GLI2: variants seen among roughly 807,000 people sequenced by gnomAD.
GLI2 encodes the protein GLI family zinc finger 2.
Under a neutral mutation model 78.9 loss-of-function variants are expected in GLI2, and 22 were observed. The observed-to-expected ratio is 0.28, with a 90% CI of 0.20 to 0.40. The LOEUF is 0.40. GLI2 is among the 10% of genes least tolerant of loss of function. GLI2 has a pLI of 1.00. For missense variants in GLI2, 2,097 were observed against 2,213.2 expected (o/e 0.95, Z 1.05); for synonymous variants, 974 against 963.7 (o/e 1.01, Z -0.20).
intron 3 of GLI2, among the ~76,000 whole-genome samples, chr2:120,935,318 G>A (rs1250405911): frequency 6.6e-6 from 1 of 152,212 alleles, no homozygotes; most frequent in Non-Finnish European, 1.5e-5. Flanking sequence ...CTTCTTCAGA[G>A]CAACTGGACA....
At chr2:120,876,494 G>A (rs1418799155) in intron 2 of GLI2, among the ~76,000 whole-genome samples, 3 of 152,142 alleles carry the variant, frequency 2.0e-5, no homozygotes, top group Non-Finnish European at 4.4e-5. Flanking sequence ...TCCCAGCAGC[G>A]AAGATAAATG....
chr2:120,968,890 G>A lies in GLI2; in HGVS notation c.820G>A (p.Gly274Arg). The A allele has an allele frequency of 3.1e-6, 5 of 1,612,996 alleles. No homozygotes were observed. The highest frequency in any genetic ancestry group is 2.7e-5 in the African/African-American group (2 of 75,044). The part of the protein sequence containing the change: ...RSSSAASGSY[G>R]HLSAGALSPA... ...CAGCTCGGCGGCCAGCGGTTCCTAC[G>A]GGCATCTGTCAGCGGGTGCCCTCAG... is the stretch of plus-strand genomic sequence containing the variant. Residue 274 changes from glycine (G) to arginine (R), a missense_variant, in exon 6 of 14, where the codon GGG (glycine) becomes AGG (arginine). Gly to Arg is a moderately radical substitution (Grantham distance 125, BLOSUM62 -2). Transcript: ENST00000361492.
At chr2:120,827,016 C>T (rs147577208) in intron 2 of GLI2, among the ~76,000 whole-genome samples, 2 of 152,300 alleles carry the variant, frequency 1.3e-5, no homozygotes, top group East Asian at 3.9e-4. Flanking sequence ...GTGGTGACTC[C>T]CATGGGTCCA....
chr2:120,748,838 T>C (rs923400527), intron 1 of GLI2, among the ~76,000 whole-genome samples: 3 of 149,902 alleles, frequency 2.0e-5, no homozygotes, highest in African/African-American at 7.5e-5. Context: ...ATTAAGATTA[T>C]AGTGATCTTG....
chr2:120,821,091 TCTG>T (rs1221777223), intron 2 of GLI2, among the ~76,000 whole-genome samples: 1 of 152,034 alleles, frequency 6.6e-6, no homozygotes, highest in East Asian at 1.9e-4. Context: ...CCTGGGATGA[TCTG>T]CTCCTCCCTG....
At chr2:120,987,469 C>A (rs1371473727) in intron 13 of GLI2, among the ~76,000 whole-genome samples, 6 of 152,182 alleles carry the variant, frequency 3.9e-5, no homozygotes, top group African/African-American at 1.4e-4. Context: ...CAAGATGAGG[C>A]TCAGAGAGGT....
intron 4 of GLI2, 64 bp from the exon 5 acceptor site, chr2:120,955,181 T>TTG: frequency 7.5e-6 from 4 of 531,602 alleles, no homozygotes; most frequent in South Asian, 1.7e-5. Flanking sequence ...TTTTTTTTTT[T>TTG]GGCAGGAGAA....
At chr2:120,835,186 T>C (rs533482257) in intron 2 of GLI2, among the ~76,000 whole-genome samples, 1 of 152,276 alleles carries the variant, frequency 6.6e-6, no homozygotes, top group South Asian at 2.1e-4. Context: ...GGCATTGCTG[T>C]ACTCATTTGA....
intron 10 of GLI2, among the ~76,000 whole-genome samples, chr2:120,978,854 G>A (rs1682586074): frequency 1.3e-5 from 2 of 152,208 alleles, no homozygotes; most frequent in Non-Finnish European, 2.9e-5. Flanking sequence ...CTGTGATTGT[G>A]AGTCCAAAGG....
At chr2:120,834,285 A>C (rs945052092) in intron 2 of GLI2, among the ~76,000 whole-genome samples, 2 of 152,168 alleles carry the variant, frequency 1.3e-5, no homozygotes, top group Non-Finnish European at 2.9e-5. Flanking sequence ...AGGGGAGAGC[A>C]TGGGAAGGAG....
rs376001716 is a variant in GLI2 at position 120,990,802 on chromosome 2, C to T, written c.*127C>T. ...GCTTGAGGGGTTGTTGCGCAATGGCCGCTTCAGATGACAGATGTTGTAAGA... is the reference window on the plus strand; with the variant it reads ...GCTTGAGGGGTTGTTGCGCAATGGCTGCTTCAGATGACAGATGTTGTAAGA... On this transcript the variant is annotated 3_prime_UTR_variant, in exon 14 of 14. Transcript: ENST00000361492. 5.8e-5 allele frequency: 40 copies of T among 684,206 alleles called. No individual in the cohort carries two copies. The highest frequency in any genetic ancestry group is 4.7e-4 in the African/African-American group (26 of 55,742). The allele number at this position is 684,206 out of a possible 1,614,324, so 42.4% of individuals were successfully genotyped here. A position where few individuals can be genotyped will look rare whatever the true frequency, so the allele number is the denominator to read the frequency against.
chr2:120,836,111 C>T (rs1558824404), intron 2 of GLI2, among the ~76,000 whole-genome samples: 1 of 152,158 alleles, frequency 6.6e-6, no homozygotes, highest in South Asian at 2.1e-4. Flanking sequence ...GATCCCATGG[C>T]CCCCCCATCT....
At chr2:120,841,784 C>A (rs951491812) in intron 2 of GLI2, among the ~76,000 whole-genome samples, 1 of 150,528 alleles carries the variant, frequency 6.6e-6, no homozygotes, top group South Asian at 2.1e-4. Context: ...GAGCAGAATG[C>A]GTGGGCCAGT....
At chr2:120,770,733 T>C (rs1454124369) in intron 1 of GLI2, among the ~76,000 whole-genome samples, 1 of 152,162 alleles carries the variant, frequency 6.6e-6, no homozygotes, top group Admixed American at 6.5e-5. Flanking sequence ...GTTGTGCAGC[T>C]CAGGGATGGT....
intron 2 of GLI2, among the ~76,000 whole-genome samples, chr2:120,884,842 A>C (rs1306713199): frequency 3.3e-5 from 5 of 152,102 alleles, no homozygotes. Context: ...GTGGGGGCCC[A>C]ACATCTGCTC....
chr2:120,909,680 A>T (rs1417601056), intron 2 of GLI2, among the ~76,000 whole-genome samples: 2 of 152,148 alleles, frequency 1.3e-5, no homozygotes, highest in East Asian at 3.9e-4. Context: ...CCTGGCTAAC[A>T]CGGTGAAACC....
chr2:120,913,309 T>C (rs965171284), intron 2 of GLI2, among the ~76,000 whole-genome samples: 5 of 152,158 alleles, frequency 3.3e-5, no homozygotes, highest in Non-Finnish European at 5.9e-5. Flanking sequence ...GAGTGCAAGA[T>C]AGGTACCAGG....
chr2:120,876,769 C>G (rs1031843438), intron 2 of GLI2, among the ~76,000 whole-genome samples: 11 of 152,048 alleles, frequency 7.2e-5, no homozygotes, highest in African/African-American at 2.7e-4. Flanking sequence ...CTGAGGCCGC[C>G]CATGTCAGGG....
intron 2 of GLI2, among the ~76,000 whole-genome samples, chr2:120,822,646 G>T (rs553968639): frequency 6.6e-6 from 1 of 152,304 alleles, no homozygotes; most frequent in African/African-American, 2.4e-5. Flanking sequence ...GTTCTTCCCT[G>T]ATTCCACCTC....
Sources: gnomAD v4.1 joint callset for allele counts (sites outside exome capture counted in the v4.1 genomes callset) on GRCh38, gnomAD v4.1.1 for gene constraint, MANE v1.5 for transcripts, NCBI Gene and HGNC (gene_info 2026-07-23, HGNC 2026-07-21) for gene names.